The following INVS variants were observed in gnomAD, a reference collection of about 807,000 sequenced individuals.
The protein encoded by INVS is inversion of embryo turning homolog.
In INVS, 86 loss-of-function variants were observed where a neutral mutation model predicts 108.8. That is an observed-to-expected ratio of 0.79 (90% CI 0.66 to 0.95). The LOEUF (loss-of-function observed/expected upper bound fraction) is 0.95, where lower values mean the gene tolerates loss of function less well. Among genes scored for constraint, INVS ranks in the 40% least tolerant of loss-of-function variants. INVS has a pLI of 0.00. For synonymous variants in INVS, 455 were observed against 473.5 expected (o/e 0.96, Z 0.51); for missense variants, 1,169 against 1,297.4 (o/e 0.90, Z 1.52).
At chr9:100,258,645 C>G (rs1432007100) in intron 10 of INVS, among the ~76,000 whole-genome samples, 1 of 152,098 alleles carries the variant, frequency 6.6e-6, no homozygotes, top group Non-Finnish European at 1.5e-5. Flanking sequence ...CAGTCAGGAC[C>G]CTTAGCTGCA....
chr9:100,193,795 T>C (rs1257367002), intron 3 of INVS, among the ~76,000 whole-genome samples: 1 of 152,226 alleles, frequency 6.6e-6, no homozygotes, highest in East Asian at 1.9e-4. Context: ...CATTGTTCAG[T>C]ATTATTCTAT....
chr9:100,100,974 TA>T (rs1305991341), intron 1 of INVS, among the ~76,000 whole-genome samples: 3 of 48,452 alleles, frequency 6.2e-5, no homozygotes, highest in East Asian at 4.1e-4. Context: ...TAATATATAT[TA>T]TATATATAAT....
rs538452000 is a variant in INVS, at chr9:100,206,873, A to AG, written c.274-19187dup. On this transcript the variant is annotated intron_variant, in intron 3 of 16. Coordinates refer to ENST00000262457, the MANE Select transcript of INVS (RefSeq NM_014425.5). ...TGATATTCACATGTTGTAAGTATAC[A>AG]GGCCAGTTAAATTGTACAGTAGCCT... Among the ~76,000 whole-genome samples the AG allele has an allele frequency of 9.2e-5, 14 of 152,336 alleles. No homozygotes were observed. The South Asian group carries it at 2.7e-3, about 29-fold the overall frequency.
intron 3 of INVS, among the ~76,000 whole-genome samples, chr9:100,204,342 T>C (rs1359610677): frequency 6.6e-6 from 1 of 152,214 alleles, no homozygotes; most frequent in Non-Finnish European, 1.5e-5. Context: ...CATTTTATAA[T>C]TGCTATTAAA....
chr9:100,169,945 G>A (rs2119036235), intron 3 of INVS, among the ~76,000 whole-genome samples: 1 of 152,174 alleles, frequency 6.6e-6, no homozygotes, highest in Middle Eastern at 3.4e-3. Context: ...AAACCCTGAG[G>A]TCCATACTAT....
chr9:100,109,430 A>T (rs982921153), intron 2 of INVS, among the ~76,000 whole-genome samples: 3 of 152,244 alleles, frequency 2.0e-5, no homozygotes, highest in Non-Finnish European at 4.4e-5. Context: ...AATATGAAAG[A>T]GCACTAAATG....
intron 3 of INVS, among the ~76,000 whole-genome samples, chr9:100,222,317 A>G (rs1223204819): frequency 6.6e-6 from 1 of 152,230 alleles, no homozygotes; most frequent in African/African-American, 2.4e-5. Context: ...TTCAGGTACC[A>G]TTATTACCCC....
chr9:100,267,240 C>T (rs914727816), intron 11 of INVS, among the ~76,000 whole-genome samples: 4 of 151,974 alleles, frequency 2.6e-5, no homozygotes, highest in East Asian at 3.9e-4. Context: ...TACTGCCTCC[C>T]GGAATAAACA....
chr9:100,184,222 A>AAACC (rs1233446982), intron 3 of INVS, among the ~76,000 whole-genome samples: 1 of 152,222 alleles, frequency 6.6e-6, no homozygotes, highest in African/African-American at 2.4e-5. Context: ...TCTGAGGTAG[A>AAACC]AACCAGACAG....
intron 2 of INVS, among the ~76,000 whole-genome samples, chr9:100,119,373 A>G (rs920574201): frequency 2.2e-4 from 34 of 152,230 alleles, no homozygotes; most frequent in African/African-American, 8.2e-4. Flanking sequence ...TTGCTGTGTA[A>G]CAAATTAACA....
chr9:100,292,995 T>C lies in INVS; in HGVS notation c.2738T>C (p.Phe913Ser). The change falls in exon 14 of 17, where the codon TTT becomes TCT. Residue 913 changes from phenylalanine (F) to serine (S), a missense_variant. By Grantham distance (155) the Phe-to-Ser change is radical. This residue lies in a region of INVS where 533 missense variants were observed against 536.0 expected (regional missense o/e 0.99). Transcript: ENST00000262457. ...IQRERRRKEL[F>S]RKKNKAAAVI... ...AGAGAACGAAGGAGGAAGGAGCTGT[T>C]TCGCAAAAAGAACAAGGCAGCAGCA... The C allele has an allele frequency of 3.1e-6, 5 of 1,613,944 alleles. No homozygotes were observed. Among genetic ancestry groups the C allele is most frequent in the Non-Finnish European group, 4.2e-6 (5 of 1,179,856 alleles).
At chr9:100,198,361 G>T (rs538156800) in intron 3 of INVS, among the ~76,000 whole-genome samples, 1 of 129,608 alleles carries the variant, frequency 7.7e-6, no homozygotes, top group South Asian at 2.5e-4. Flanking sequence ...GCAACGGTGC[G>T]ATCTTGGCTC....
At chr9:100,107,967 G>A (rs1827229789) in intron 2 of INVS, among the ~76,000 whole-genome samples, 1 of 152,024 alleles carries the variant, frequency 6.6e-6, no homozygotes, top group African/African-American at 2.4e-5. Flanking sequence ...CATCTTGAGG[G>A]CCAGGACTAA....
chr9:100,210,376 G>C (rs1830798850), intron 3 of INVS, among the ~76,000 whole-genome samples: 2 of 152,144 alleles, frequency 1.3e-5, no homozygotes, highest in Admixed American at 1.3e-4. Context: ...ATTTGAAGCT[G>C]TCTTTATATA....
At chr9:100,162,376 A>G (rs2119015553) in intron 3 of INVS, among the ~76,000 whole-genome samples, 1 of 152,334 alleles carries the variant, frequency 6.6e-6, no homozygotes, top group Non-Finnish European at 1.5e-5. Flanking sequence ...TCAGTGGCTC[A>G]ATGATATTAG....
chr9:100,189,266 T>C (rs1341307586), intron 3 of INVS, among the ~76,000 whole-genome samples: 10 of 152,040 alleles, frequency 6.6e-5, no homozygotes. Context: ...TTATTTCTTT[T>C]CTTTTGCTAG....
chr9:100,271,825 A>G (rs1677416297), intron 11 of INVS, among the ~76,000 whole-genome samples: 1 of 150,212 alleles, frequency 6.7e-6, no homozygotes, highest in Admixed American at 6.6e-5. Flanking sequence ...AAATTTTGTT[A>G]TTTTTATGTA....
chr9:100,276,665 C>A (rs910160793), intron 12 of INVS, among the ~76,000 whole-genome samples: 2 of 152,046 alleles, frequency 1.3e-5, no homozygotes, highest in African/African-American at 4.8e-5. Flanking sequence ...TGTGCCACCA[C>A]GACCAGCTAA....
At chr9:100,105,097 A>G (rs533033898) in intron 2 of INVS, among the ~76,000 whole-genome samples, 3 of 152,238 alleles carry the variant, frequency 2.0e-5, no homozygotes, top group Non-Finnish European at 4.4e-5. Context: ...AAGAGAACAA[A>G]GAATAGCTAA....
Sources: allele counts gnomAD v4.1 joint callset (sites outside exome capture counted in the v4.1 genomes callset), GRCh38; gene constraint gnomAD v4.1.1; regional missense constraint gnomAD v4.1.1; transcripts MANE v1.5; gene names NCBI Gene and HGNC (gene_info 2026-07-23, HGNC 2026-07-21).